The following RNF150 variants were observed in gnomAD, a reference collection of about 807,000 sequenced individuals.
The protein encoded by RNF150 is ring finger protein 150.
A neutral mutation model predicts 39.3 loss-of-function variants in RNF150; 24 were observed. The observed-to-expected ratio is 0.61, with a 90% CI of 0.44 to 0.86. The LOEUF is 0.86. Among genes scored for constraint, RNF150 ranks in the 40% least tolerant of loss-of-function variants. The probability of loss-of-function intolerance (pLI) is 0.00; values close to 1 mark genes in which losing one functional copy is unlikely to be tolerated. For synonymous variants in RNF150, 255 were observed against 227.3 expected (o/e 1.12, Z -1.10); for missense variants, 502 against 587.8 (o/e 0.85, Z 1.51).
intron 1 of RNF150, among the ~76,000 whole-genome samples, chr4:141,165,693 T>C (rs1727587834): frequency 6.6e-6 from 1 of 152,156 alleles, no homozygotes. Context: ...TGCTTCTGAA[T>C]GACTACTGGG....
chr4:140,873,095 A>G (rs1159091939), intron 6 of RNF150, among the ~76,000 whole-genome samples: 1 of 152,226 alleles, frequency 6.6e-6, no homozygotes, highest in Non-Finnish European at 1.5e-5. Flanking sequence ...TTTGGCCTGG[A>G]CAATGTTTTG....
chr4:141,178,264 G>A (rs6823257), intron 1 of RNF150, among the ~76,000 whole-genome samples: 57,177 of 151,700 alleles, frequency 0.38, 13,158 homozygotes, highest in Non-Finnish European at 0.5. Context: ...GTGTGTGTGC[G>A]TGCGCATGCA....
intron 5 of RNF150, 104 bp from the exon 6 acceptor site, chr4:140,911,458 A>T (rs770587277): frequency 1.9e-5 from 17 of 902,098 alleles, no homozygotes; most frequent in Non-Finnish European, 2.7e-5. Flanking sequence ...TAAGTTCTTT[A>T]TTGTTTACTT....
At position 141,000,051 on chromosome 4, in the gene RNF150, A is replaced by G. The variant is rs867084093; in HGVS notation, c.485-32178T>C. ...GAAGAAGAAGAAGAAGAAGAAGAAG[A>G]AGAAGAAGAAGAAGAAGAAGAAGAA... On this transcript the variant is annotated intron_variant, in intron 1 of 6. Transcript: ENST00000515673. Among the ~76,000 whole-genome samples the G allele has an allele frequency of 8.5e-3, 774 of 90,638 alleles. 74 individuals are homozygous for G. Among genetic ancestry groups the G allele is most frequent in the African/African-American group, 0.011 (290 of 26,114 alleles). 59.5% of individuals were successfully genotyped at this position (90,638 alleles called of 152,430 possible).
At chr4:141,084,619 A>G (rs1021542487) in intron 1 of RNF150, among the ~76,000 whole-genome samples, 3 of 152,228 alleles carry the variant, frequency 2.0e-5, no homozygotes, top group African/African-American at 4.8e-5. Context: ...TGATCAGCAG[A>G]GAAGCATCTC....
chr4:141,132,458 C>G lies in RNF150; in HGVS notation c.351G>C (p.Trp117Cys), dbSNP rs1464519598. The change falls in exon 1 of 7, where the codon TGG becomes TGC. Residue 117 changes from tryptophan (W) to cysteine (C), a missense_variant. Transcript: ENST00000515673. The surrounding 1 kb of genome is among the most constrained non-coding windows in gnomAD (Gnocchi z 4.9). Reference protein sequence around the residue: ...KFAAPTRGKNWIALIPKGNCT... With the variant: ...KFAAPTRGKNCIALIPKGNCT... ...AGTTGCCCTTGGGGATGAGGGCTAT[C>G]CAGTTCTTGCCGCGGGTCGGGGCGG... 2 of 1,610,438 alleles carry G rather than the reference C, an allele frequency of 1.2e-6. No individual in the cohort carries two copies. The highest frequency in any genetic ancestry group is 1.7e-6 in the Non-Finnish European group (2 of 1,178,870).
chr4:140,983,050 G>T (rs747717585), intron 1 of RNF150, among the ~76,000 whole-genome samples: 1 of 152,082 alleles, frequency 6.6e-6, no homozygotes, highest in Non-Finnish European at 1.5e-5. Flanking sequence ...AAAAATTAAT[G>T]CTATTTCTTA....
intron 1 of RNF150, among the ~76,000 whole-genome samples, chr4:141,102,656 G>T (rs545833872): frequency 6.6e-6 from 1 of 152,068 alleles, no homozygotes; most frequent in Non-Finnish European, 1.5e-5. Flanking sequence ...CATGATTATC[G>T]CAACAGATGA....
chr4:141,167,348 A>G (rs920676467), intron 1 of RNF150, among the ~76,000 whole-genome samples: 4 of 152,190 alleles, frequency 2.6e-5, no homozygotes, highest in Admixed American at 2.0e-4. Context: ...AAGAATCAAT[A>G]TCATGAACAT....
At chr4:141,088,215 G>A (rs1738440537) in intron 1 of RNF150, among the ~76,000 whole-genome samples, 1 of 152,234 alleles carries the variant, frequency 6.6e-6, no homozygotes, top group Admixed American at 6.5e-5. Context: ...GGCATTTATT[G>A]TACAGTAGCT....
intron 5 of RNF150, among the ~76,000 whole-genome samples, chr4:140,916,630 C>T (rs113917156): frequency 6.6e-6 from 1 of 152,168 alleles, no homozygotes; most frequent in Admixed American, 6.5e-5. Flanking sequence ...AGGATATTAT[C>T]CAGGAGAACT....
chr4:140,924,017 T>C (rs7686915), intron 5 of RNF150, among the ~76,000 whole-genome samples: 49,243 of 151,952 alleles, frequency 0.32, 8,412 homozygotes, highest in East Asian at 0.69. Context: ...ATATACCTAA[T>C]GCTAAATGAT....
rs78400178 is a variant in RNF150, at chr4:141,020,863, T to C, written c.485-52990A>G. Among the ~76,000 whole-genome samples, 461 of 152,236 alleles carry C rather than the reference T, an allele frequency of 3.0e-3. 1 individual carries two copies. The highest frequency in any genetic ancestry group is 0.011 in the African/African-American group (441 of 41,532). On this transcript the variant is annotated intron_variant, in intron 1 of 6. Coordinates refer to ENST00000515673, the MANE Select transcript of RNF150 (RefSeq NM_020724.2). ...ATCCTGGCTAACTAGACCCATTGCATTGGACGTGAAAATAAATAAACACTG... is the reference window on the plus strand; with the variant it reads ...ATCCTGGCTAACTAGACCCATTGCACTGGACGTGAAAATAAATAAACACTG...
chr4:140,936,399 C>T (rs1731864779), intron 4 of RNF150, among the ~76,000 whole-genome samples: 1 of 152,174 alleles, frequency 6.6e-6, no homozygotes, highest in African/African-American at 2.4e-5. Context: ...ACTCCTACTA[C>T]ACTGCATAAC....
intron 1 of RNF150, among the ~76,000 whole-genome samples, chr4:141,086,928 T>C (rs909633264): frequency 1.3e-5 from 2 of 152,164 alleles, no homozygotes; most frequent in African/African-American, 4.8e-5. Flanking sequence ...TCCTCTTTTT[T>C]TGGCGTTAAT....
At chr4:141,041,752 A>G (rs1249588209) in intron 1 of RNF150, among the ~76,000 whole-genome samples, 1 of 152,106 alleles carries the variant, frequency 6.6e-6, no homozygotes, top group African/African-American at 2.4e-5. Context: ...AGAAAATGTA[A>G]AATAAGTGAA....
intron 2 of RNF150, among the ~76,000 whole-genome samples, chr4:140,965,521 G>T (rs1733204657): frequency 6.6e-6 from 1 of 152,042 alleles, no homozygotes; most frequent in African/African-American, 2.4e-5. Flanking sequence ...AAGGACGAAT[G>T]GATAAAGAAA....
intron 6 of RNF150, among the ~76,000 whole-genome samples, chr4:140,883,944 TA>T (rs1007159074): frequency 1.0e-3 from 159 of 152,304 alleles, no homozygotes; most frequent in African/African-American, 3.5e-3. Context: ...TGGTACAGCA[TA>T]AGTCCCTTAG....
intron 6 of RNF150, among the ~76,000 whole-genome samples, chr4:140,880,913 T>C (rs1729350128): frequency 6.6e-6 from 1 of 152,128 alleles, no homozygotes; most frequent in Non-Finnish European, 1.5e-5. Flanking sequence ...TTATTTTAAT[T>C]AGTCTAGCTA....
Sources: allele counts gnomAD v4.1 joint callset (sites outside exome capture counted in the v4.1 genomes callset), GRCh38; gene constraint gnomAD v4.1.1; non-coding constraint Gnocchi (gnomAD v3.1); transcripts MANE v1.5; gene names NCBI Gene and HGNC (gene_info 2026-07-23, HGNC 2026-07-21).